The following NBEA variants were observed in gnomAD, a reference collection of about 807,000 sequenced individuals.
NBEA encodes the protein neurobeachin.
A neutral mutation model predicts 343.4 loss-of-function variants in NBEA; 44 were observed. That is an observed-to-expected ratio of 0.13 (90% confidence interval 0.10 to 0.16). NBEA has a LOEUF of 0.16. NBEA is among the 10% of genes least tolerant of loss of function. NBEA has a pLI of 1.00. For missense variants in NBEA, 2,555 were observed against 3,631.3 expected, an observed-to-expected ratio of 0.70 and a Z score of 7.62; for synonymous variants, 1,175 against 1,238.7, an observed-to-expected ratio of 0.95 and a Z score of 1.08.
At chr13:34,950,053 G>A (rs79819863) in intron 1 of NBEA, among the ~76,000 whole-genome samples, 82 of 152,202 alleles carry the variant, frequency 5.4e-4, no homozygotes, top group Non-Finnish European at 1.0e-3. Context: ...TAACATTCTC[G>A]ATTTTTTGAT....
intron 30 of NBEA, among the ~76,000 whole-genome samples, chr13:35,186,965 G>A (rs1167544755): frequency 6.6e-6 from 1 of 151,820 alleles, no homozygotes; most frequent in African/African-American, 2.4e-5. Flanking sequence ...AAAAACAGTT[G>A]TGCTGTTTTT....
chr13:35,419,050 A>G (rs758936673), intron 38 of NBEA, among the ~76,000 whole-genome samples: 1 of 152,030 alleles, frequency 6.6e-6, no homozygotes, highest in Non-Finnish European at 1.5e-5. Context: ...ATTTTTAATA[A>G]TTTTGTACAT....
intron 48 of NBEA, among the ~76,000 whole-genome samples, chr13:35,611,013 C>T (rs1287921432): frequency 1.3e-5 from 2 of 149,632 alleles, no homozygotes; most frequent in Admixed American, 6.7e-5. Flanking sequence ...GCTACCATTA[C>T]ACATTAGAAT....
intron 41 of NBEA, among the ~76,000 whole-genome samples, chr13:35,519,812 C>T (rs1240267838): frequency 6.6e-6 from 1 of 152,120 alleles, no homozygotes; most frequent in Non-Finnish European, 1.5e-5. Flanking sequence ...TTGAAATATA[C>T]AATACATTGT....
intron 39 of NBEA, among the ~76,000 whole-genome samples, chr13:35,442,977 G>C (rs2045818825): frequency 6.6e-6 from 1 of 152,072 alleles, no homozygotes; most frequent in Admixed American, 6.6e-5. Flanking sequence ...TTGCTTGCAA[G>C]TATCCTTGAT....
chr13:35,296,494 C>T (rs2036141382), intron 35 of NBEA, among the ~76,000 whole-genome samples: 1 of 151,718 alleles, frequency 6.6e-6, no homozygotes, highest in Non-Finnish European at 1.5e-5. Flanking sequence ...AGGCCATCTG[C>T]AGGATCATTT....
At position 35,654,927 on chromosome 13, in the gene NBEA, G is replaced by A; in HGVS notation, c.8108G>A (p.Cys2703Tyr). ...VDQSIQINAHCFVVTADNRYI... is the reference protein window; with the variant it reads ...VDQSIQINAHYFVVTADNRYI... ...CAGAGTATACAAATCAATGCACATT[G>A]TTTTGTGGTAACAGCAGATAATCGC... is the stretch of plus-strand genomic sequence containing the variant. Residue 2703 changes from cysteine (C) to tyrosine (Y), a missense_variant, in exon 54 of 59, where the codon TGT (cysteine) becomes TAT (tyrosine). Cys to Tyr is a radical substitution (Grantham distance 194, BLOSUM62 -2). Around this residue, in one of 21 missense-constraint regions of NBEA, gnomAD observed 39 missense variants for 37.9 expected, o/e 1.03. Transcript: ENST00000379939. 1 of 1,590,290 alleles carries A rather than the reference G, an allele frequency of 6.3e-7. No individual in the cohort carries two copies. Among genetic ancestry groups the A allele is most frequent in the Non-Finnish European group, 8.5e-7 (1 of 1,171,966 alleles).
At chr13:35,625,933 TA>T (rs774821667) in intron 48 of NBEA, among the ~76,000 whole-genome samples, 41 of 152,118 alleles carry the variant, frequency 2.7e-4, no homozygotes, top group Non-Finnish European at 5.0e-4. Context: ...TGACTCACAT[TA>T]AGTATGCACT....
intron 1 of NBEA, among the ~76,000 whole-genome samples, chr13:35,014,666 G>A (rs780164250): frequency 2.0e-5 from 3 of 151,856 alleles, no homozygotes; most frequent in Non-Finnish European, 2.9e-5. Flanking sequence ...ATGAAAGCCA[G>A]GCCATCTGCC....
intron 34 of NBEA, among the ~76,000 whole-genome samples, chr13:35,262,220 C>T (rs780209484): frequency 1.8e-4 from 28 of 152,190 alleles, no homozygotes; most frequent in Non-Finnish European, 3.5e-4. Context: ...TGGTTGTCAT[C>T]CATGGCTTTG....
intron 28 of NBEA, among the ~76,000 whole-genome samples, chr13:35,179,484 A>G (rs1179758681): frequency 6.6e-6 from 1 of 151,414 alleles, no homozygotes; most frequent in Non-Finnish European, 1.5e-5. Context: ...TTCATTTCCA[A>G]AGACAGAACT....
chr13:35,050,715 T>C (rs1294963727), intron 6 of NBEA, among the ~76,000 whole-genome samples: 1 of 152,036 alleles, frequency 6.6e-6, no homozygotes, highest in African/African-American at 2.4e-5. Flanking sequence ...AATAAATATT[T>C]GCCTTTTTTT....
rs1357524232 is a variant in NBEA, at chr13:35,171,311, G to C, written c.4282G>C (p.Ala1428Pro). Reference sequence around the variant, plus strand: ...TATTGAAGTGACACAAGGCATGTCAGCTGAGACAGCAGTAACTTTCCTCAG... The same window carrying C: ...TATTGAAGTGACACAAGGCATGTCACCTGAGACAGCAGTAACTTTCCTCAG... ...ENIEVTQGMS[A>P]ETAVTFLSRL... The change falls in exon 26 of 59, where the codon GCT becomes CCT. Residue 1428 changes from alanine (A) to proline (P), a missense_variant. This residue lies in a region of NBEA where 168 missense variants were observed against 193.0 expected (regional missense o/e 0.87). Transcript: ENST00000379939. 2 of 1,612,298 alleles carry C rather than the reference G, an allele frequency of 1.2e-6. No homozygotes were observed. Among genetic ancestry groups the C allele is most frequent in the East Asian group, 2.2e-5 (1 of 44,770 alleles).
intron 54 of NBEA, 40 bp from the exon 55 acceptor site, chr13:35,655,539 A>G (rs943454741): frequency 4.4e-6 from 7 of 1,573,632 alleles, no homozygotes; most frequent in Non-Finnish European, 5.2e-6. Context: ...ATTTGAAGAA[A>G]AAGACTAAAT....
intron 18 of NBEA, among the ~76,000 whole-genome samples, chr13:35,153,209 T>A (rs1017944182): frequency 3.3e-5 from 5 of 151,686 alleles, no homozygotes; most frequent in African/African-American, 1.2e-4. Flanking sequence ...ATTTTTTGTA[T>A]TTTTTAGTAG....
At position 35,671,018 on chromosome 13, in the gene NBEA, T is replaced by G; in HGVS notation, c.*27T>G. ...GATAAAGGAAGAACCAAAAGCCAAG[T>G]TAAAGCTGAGAGCACAAGTGCTGCA... On this transcript the variant is annotated 3_prime_UTR_variant, in exon 59 of 59. Transcript: ENST00000379939. The G allele has an allele frequency of 6.6e-7, 1 of 1,510,906 alleles. No individual in the cohort carries two copies. Among genetic ancestry groups the G allele is most frequent in the Non-Finnish European group, 9.0e-7 (1 of 1,110,250 alleles). 93.6% of individuals were successfully genotyped at this position (1,510,906 alleles called of 1,614,324 possible).
At chr13:35,164,666 C>A (rs2069849918) in intron 24 of NBEA, 157 bp downstream of exon 24, 2 of 789,776 alleles carry the variant, frequency 2.5e-6, no homozygotes, top group Non-Finnish European at 4.0e-6. Flanking sequence ...TTTTGTTTAT[C>A]AGTGTTGGGT....
chr13:34,978,166 A>G (rs1403631919), intron 1 of NBEA, among the ~76,000 whole-genome samples: 4 of 152,204 alleles, frequency 2.6e-5, no homozygotes, highest in Non-Finnish European at 5.9e-5. Context: ...AGCAGTGCTG[A>G]TCAAAAAGTA....
chr13:35,231,458 G>A (rs1480892782), intron 33 of NBEA, among the ~76,000 whole-genome samples: 1 of 151,886 alleles, frequency 6.6e-6, no homozygotes, highest in Non-Finnish European at 1.5e-5. Context: ...GTATTATTTT[G>A]TAACATTGTT....
Sources: allele counts gnomAD v4.1 joint callset (sites outside exome capture counted in the v4.1 genomes callset), GRCh38; gene constraint gnomAD v4.1.1; regional missense constraint gnomAD v4.1.1; transcripts MANE v1.5; gene names NCBI Gene and HGNC (gene_info 2026-07-23, HGNC 2026-07-21).